KCND2: variants seen among roughly 807,000 people sequenced by gnomAD.
The protein encoded by KCND2 is potassium voltage-gated channel subfamily D member 2.
In KCND2, 16 loss-of-function variants were observed where a neutral mutation model predicts 54.4. That is an observed-to-expected ratio of 0.29 (90% CI 0.20 to 0.45). The LOEUF is 0.45. Among genes scored for constraint, KCND2 ranks in the 20% least tolerant of loss-of-function variants. The pLI is 1.00. For missense variants in KCND2, 486 were observed against 824.2 expected (o/e 0.59, Z 5.02); for synonymous variants, 317 against 310.7 (o/e 1.02, Z -0.21).
At chr7:120,543,286 T>G (rs998356548) in intron 1 of KCND2, among the ~76,000 whole-genome samples, 1 of 151,890 alleles carries the variant, frequency 6.6e-6, no homozygotes, top group African/African-American at 2.4e-5. Flanking sequence ...TTTTATGACC[T>G]CCAGGGTTTC....
chr7:120,295,534 A>C (rs1799500239), intron 1 of KCND2, among the ~76,000 whole-genome samples: 1 of 151,956 alleles, frequency 6.6e-6, no homozygotes, highest in South Asian at 2.1e-4. Context: ...AGGCTTGCTA[A>C]TGGTAGATTC....
chr7:120,582,136 T>C (rs1029943322), intron 1 of KCND2, among the ~76,000 whole-genome samples: 1 of 152,154 alleles, frequency 6.6e-6, no homozygotes. Context: ...TCCAGTCTTT[T>C]CTCATTAGAT....
chr7:120,449,323 C>T (rs371861975), intron 1 of KCND2, among the ~76,000 whole-genome samples: 4 of 137,528 alleles, frequency 2.9e-5, no homozygotes, highest in East Asian at 4.8e-4. Flanking sequence ...AGCCAGACTC[C>T]GTCTCAAAAA....
chr7:120,653,498 G>C (rs1005335175), intron 1 of KCND2, among the ~76,000 whole-genome samples: 1 of 152,152 alleles, frequency 6.6e-6, no homozygotes, highest in African/African-American at 2.4e-5. Context: ...TAGTTCATCT[G>C]TTCCCTAAGA....
rs913305133 is a variant in KCND2, at chr7:120,338,887, C to CT, written c.1115+63150dup. Among the ~76,000 whole-genome samples, 741 of 148,310 alleles carry CT rather than the reference C, an allele frequency of 5.0e-3. 2 individuals are homozygous for CT. The highest frequency in any genetic ancestry group is 0.017 in the African/African-American group (671 of 40,652). On this transcript the variant is annotated intron_variant, in intron 1 of 5. Transcript: ENST00000331113. ...TGTCACATTCTAACCTTGCTACTAT[C>CT]TTTTTTTTTTGAGACAGAGTCTCAC...
At chr7:120,393,340 G>C (rs1253833832) in intron 1 of KCND2, among the ~76,000 whole-genome samples, 1 of 151,958 alleles carries the variant, frequency 6.6e-6, no homozygotes, top group African/African-American at 2.4e-5. Flanking sequence ...ATTAATGTTA[G>C]TTCCTTCTTT....
chr7:120,429,258 G>A (rs1377362123), intron 1 of KCND2, among the ~76,000 whole-genome samples: 2 of 152,140 alleles, frequency 1.3e-5, no homozygotes, highest in Admixed American at 6.5e-5. Context: ...TCAGTGGTGG[G>A]TGAAGCTATT....
intron 1 of KCND2, among the ~76,000 whole-genome samples, chr7:120,477,640 TG>T (rs1358243491): frequency 1.3e-5 from 2 of 151,502 alleles, no homozygotes; most frequent in Non-Finnish European, 1.5e-5. Flanking sequence ...ATTAATTGGA[TG>T]AAAAAAAAGA....
chr7:120,430,093 C>A (rs1395789377), intron 1 of KCND2, among the ~76,000 whole-genome samples: 1 of 152,148 alleles, frequency 6.6e-6, no homozygotes, highest in Non-Finnish European at 1.5e-5. Flanking sequence ...AAAAGTACAA[C>A]AGCCTGGGAG....
chr7:120,489,156 C>T (rs565493403), intron 1 of KCND2, among the ~76,000 whole-genome samples: 1 of 152,068 alleles, frequency 6.6e-6, no homozygotes, highest in African/African-American at 2.4e-5. Context: ...CTAATATCAT[C>T]TTATCATCTA....
chr7:120,464,045 C>A (rs1437772118), intron 1 of KCND2: 1 of 979,044 alleles, frequency 1.0e-6, no homozygotes, highest in Non-Finnish European at 1.2e-6. Flanking sequence ...TGCAGTTGAG[C>A]CTTTTGCTTT....
intron 1 of KCND2, among the ~76,000 whole-genome samples, chr7:120,384,805 A>T (rs1800964436): frequency 6.6e-6 from 1 of 152,114 alleles, no homozygotes; most frequent in Admixed American, 6.6e-5. Flanking sequence ...TAACATGGCT[A>T]TGCCTGGCTG....
intron 1 of KCND2, among the ~76,000 whole-genome samples, chr7:120,641,932 A>G (rs893458943): frequency 2.0e-5 from 3 of 152,050 alleles, no homozygotes; most frequent in Non-Finnish European, 4.4e-5. Flanking sequence ...AGTCATTGTC[A>G]TTCTTTAACA....
At chr7:120,517,888 A>C (rs1803218991) in intron 1 of KCND2, among the ~76,000 whole-genome samples, 1 of 152,090 alleles carries the variant, frequency 6.6e-6, no homozygotes, top group African/African-American at 2.4e-5. Context: ...CATCGTTTGA[A>C]TTTTACACTG....
intron 1 of KCND2, among the ~76,000 whole-genome samples, chr7:120,480,083 ATAT>A (rs1414108970): frequency 6.6e-6 from 1 of 151,790 alleles, no homozygotes; most frequent in Non-Finnish European, 1.5e-5. Flanking sequence ...ATCAAAATAT[ATAT>A]TATTATTTTC....
At chr7:120,519,320 C>T (rs902278957) in intron 1 of KCND2, among the ~76,000 whole-genome samples, 8 of 152,034 alleles carry the variant, frequency 5.3e-5, no homozygotes, top group African/African-American at 1.9e-4. Flanking sequence ...GCACTCCAGC[C>T]TGGATGACTG....
At chr7:120,403,674 A>G (rs1355045934) in intron 1 of KCND2, among the ~76,000 whole-genome samples, 1 of 151,830 alleles carries the variant, frequency 6.6e-6, no homozygotes, top group Non-Finnish European at 1.5e-5. Context: ...ACAATTTCAC[A>G]TTCAAATTTT....
At chr7:120,325,485 AATTTATT>A (rs1279212467) in intron 1 of KCND2, among the ~76,000 whole-genome samples, 208 of 151,396 alleles carry the variant, frequency 1.4e-3, no homozygotes, top group African/African-American at 4.8e-3. Flanking sequence ...ATCAATACCT[AATTTATT>A]GAGAGTTTTT....
chr7:120,738,749 A>G (rs755768872), intron 2 of KCND2, among the ~76,000 whole-genome samples: 7 of 152,008 alleles, frequency 4.6e-5, no homozygotes, highest in African/African-American at 9.7e-5. Context: ...TAACCTCCCA[A>G]TTACATAATT....
Sources: gnomAD v4.1 joint callset for allele counts (sites outside exome capture counted in the v4.1 genomes callset) on GRCh38, gnomAD v4.1.1 for gene constraint, MANE v1.5 for transcripts, NCBI Gene and HGNC (gene_info 2026-07-23, HGNC 2026-07-21) for gene names.